Variants in HMOX2 observed in about 807,000 individuals in gnomAD.
The protein encoded by HMOX2 is heme oxygenase 2.
Under a neutral mutation model 33.7 loss-of-function variants are expected in HMOX2, and 30 were observed. The observed-to-expected ratio is 0.89, with a 90% CI of 0.67 to 1.21. The LOEUF (loss-of-function observed/expected upper bound fraction) is 1.21, where lower values mean the gene tolerates loss of function less well. Among genes scored for constraint, HMOX2 ranks in the 50% most tolerant of loss-of-function variants. The pLI, the probability that HMOX2 is intolerant of heterozygous loss-of-function variation, is 0.00. For missense variants in HMOX2, 403 were observed against 399.1 expected (o/e 1.01, Z -0.08); for synonymous variants, 155 against 155.0 (o/e 1.00, Z 0.00).
intron 1 of HMOX2, among the ~76,000 whole-genome samples, chr16:4,484,045 G>A (rs1056813739): frequency 6.7e-6 from 1 of 148,858 alleles, no homozygotes; most frequent in African/African-American, 2.5e-5. Context: ...TGCGATCTCG[G>A]CTCACTGCAG....
intron 1 of HMOX2, among the ~76,000 whole-genome samples, chr16:4,493,114 G>A (rs1272882158): frequency 2.0e-5 from 3 of 152,056 alleles, no homozygotes; most frequent in Non-Finnish European, 2.9e-5. Context: ...GCTCACTGCC[G>A]CCTTTACCTC....
At chr16:4,495,151 G>A (rs138513480) in intron 1 of HMOX2, among the ~76,000 whole-genome samples, 38 of 152,314 alleles carry the variant, frequency 2.5e-4, no homozygotes, top group Admixed American at 6.5e-4. Context: ...TGTCATTCAT[G>A]TGCAAATCAG....
chr16:4,488,948 C>G (rs1345700182), intron 1 of HMOX2, among the ~76,000 whole-genome samples: 5 of 151,858 alleles, frequency 3.3e-5, no homozygotes, highest in Admixed American at 6.6e-5. Context: ...GCCTAGGACT[C>G]CTGAGTAGCT....
intron 4 of HMOX2, 63 bp from the exon 5 acceptor site, chr16:4,509,349 T>TA: frequency 3.9e-6 from 6 of 1,555,342 alleles, no homozygotes; most frequent in Non-Finnish European, 4.3e-6. Flanking sequence ...CAAAAGACAT[T>TA]TAAAAAAAAA....
In HMOX2 at chr16:4,509,630, T is replaced by C; in HGVS notation, c.825T>C (p.Gly275=). ...CPFYAAEQDK[G]ALEGSSCPFR... ...TCTCCTATTGGTGCTGCCACACAGG[T>C]GCCCTGGAGGGCAGCAGCTGTCCCT... Residue 275 remains glycine (G), a splice_region_variant and synonymous_variant, in exon 6 of 6, where the codon GGT becomes GGC. Transcript: ENST00000570646. 1 of 1,613,454 alleles carries C rather than the reference T, an allele frequency of 6.2e-7. No homozygotes were observed. The highest frequency in any genetic ancestry group is 8.5e-7 in the Non-Finnish European group (1 of 1,179,404).
chr16:4,507,840 AGGAC>A lies in HMOX2; in HGVS notation c.333_336del (p.Asp112TrpfsTer29). The stretch of plus-strand genomic sequence containing the variant: ...CTGCACCGGAAGGAGGCGCTGACCA[AGGAC>A]ATGGAGTATTTCTTTGGTGAAAACT... On this transcript the variant is annotated frameshift_variant, in exon 4 of 6. Coordinates refer to ENST00000570646, the MANE Select transcript of HMOX2 (RefSeq NM_002134.4). LOFTEE classifies it high-confidence loss of function. 2 of 1,614,220 alleles carry A rather than the reference AGGAC, an allele frequency of 1.2e-6. No homozygotes were observed. The highest frequency in any genetic ancestry group is 8.5e-7 in the Non-Finnish European group (1 of 1,180,040).
In HMOX2 at chr16:4,506,993, T is replaced by G; in HGVS notation, c.185T>G (p.Ile62Ser). The part of the protein sequence containing the change: ...QFVKDFLKGN[I>S]KKELFKLATT... ...GTCAAGGACTTCTTGAAAGGCAACA[T>G]TAAGAAGGAGCTGTTTAAGGTTTGT... Residue 62 changes from isoleucine (I) to serine (S), a missense_variant, in exon 3 of 6, where the codon ATT becomes AGT. Ile to Ser is a moderately radical substitution (Grantham distance 142). Transcript: ENST00000570646. 6.2e-7 allele frequency: 1 copy of G among 1,610,696 alleles called. No homozygotes were observed. Among genetic ancestry groups the G allele is most frequent in the Non-Finnish European group, 8.5e-7 (1 of 1,176,900 alleles).
chr16:4,484,476 T>TGAA (rs2058114291), intron 1 of HMOX2, among the ~76,000 whole-genome samples: 1 of 147,796 alleles, frequency 6.8e-6, no homozygotes. Context: ...TTTTTTTTTT[T>TGAA]TTGAGACGGA....
chr16:4,490,530 C>T (rs971374992), intron 1 of HMOX2, among the ~76,000 whole-genome samples: 3 of 152,178 alleles, frequency 2.0e-5, no homozygotes, highest in Non-Finnish European at 4.4e-5. Flanking sequence ...AAGTAATAAA[C>T]ACATTTCTGT....
chr16:4,487,863 A>T (rs1204932967), intron 1 of HMOX2, among the ~76,000 whole-genome samples: 2 of 151,728 alleles, frequency 1.3e-5, no homozygotes, highest in African/African-American at 2.4e-5. Flanking sequence ...AGGCAGGAGA[A>T]CTGCTTGAAC....
At chr16:4,477,262 G>T (rs1033561359) in intron 1 of HMOX2, among the ~76,000 whole-genome samples, 2 of 152,076 alleles carry the variant, frequency 1.3e-5, no homozygotes, top group African/African-American at 2.4e-5. Context: ...ACTTTGGGAG[G>T]CCAGGGCGGG....
chr16:4,498,061 C>CTTTT (rs35332500), intron 1 of HMOX2, among the ~76,000 whole-genome samples: 74 of 104,398 alleles, frequency 7.1e-4, no homozygotes, highest in Non-Finnish European at 9.0e-4. Context: ...GATTCATTGT[C>CTTTT]TTTTTTTTTT....
intron 1 of HMOX2, among the ~76,000 whole-genome samples, chr16:4,488,987 A>T (rs1387612295): frequency 6.6e-6 from 1 of 151,792 alleles, no homozygotes; most frequent in Non-Finnish European, 1.5e-5. Flanking sequence ...CACCACGCCC[A>T]GCTAATTTTT....
chr16:4,501,014 G>A lies in HMOX2; in HGVS notation c.-41-4470G>A, dbSNP rs146058892. The stretch of plus-strand genomic sequence containing the variant: ...AAATGGGAAAGAGAGAGGGTAGACT[G>A]GCCTTTCTAGAATTTGTAACAGAAA... On this transcript the variant is annotated intron_variant, in intron 1 of 5. Transcript: ENST00000570646. Among the ~76,000 whole-genome samples the A allele has an allele frequency of 1.7e-3, 266 of 152,182 alleles. 4 individuals are homozygous for A. Among genetic ancestry groups the A allele is most frequent in the African/African-American group, 6.2e-3 (258 of 41,526 alleles).
chr16:4,487,649 A>G (rs1005241385), intron 1 of HMOX2, among the ~76,000 whole-genome samples: 23 of 151,962 alleles, frequency 1.5e-4, no homozygotes, highest in African/African-American at 5.6e-4. Context: ...AAATACAAAA[A>G]ATTAGCTGGG....
upstream of HMOX2, chr16:4,474,945 A>T (rs1200956000): frequency 2.0e-5 from 3 of 152,058 alleles, no homozygotes; most frequent in Non-Finnish European, 4.4e-5. Context: ...ACTCACTTTT[A>T]AAATTTTATT....
chr16:4,482,278 A>G (rs2141518995), intron 1 of HMOX2, among the ~76,000 whole-genome samples: 1 of 152,310 alleles, frequency 6.6e-6, no homozygotes, highest in East Asian at 1.9e-4. Flanking sequence ...CTGTTCTGAG[A>G]AACTAGCTGC....
intron 1 of HMOX2, among the ~76,000 whole-genome samples, chr16:4,492,559 A>C (rs1009938379): frequency 2.4e-4 from 37 of 151,898 alleles, no homozygotes; most frequent in African/African-American, 9.0e-4. Flanking sequence ...CTCTACTAAA[A>C]ATACAAAAAA....
chr16:4,479,726 ATTTTTTTTT>A (rs58936845), intron 1 of HMOX2, among the ~76,000 whole-genome samples: 26 of 79,850 alleles, frequency 3.3e-4, no homozygotes, highest in African/African-American at 1.2e-3. Flanking sequence ...TTCTTATTCT[ATTTTTTTTT>A]TTTTTTTTTT....
Sources: allele counts gnomAD v4.1 joint callset (sites outside exome capture counted in the v4.1 genomes callset), GRCh38; gene constraint gnomAD v4.1.1; transcripts MANE v1.5; gene names NCBI Gene and HGNC (gene_info 2026-07-23, HGNC 2026-07-21).